NFATC1: variants seen among roughly 807,000 people sequenced by gnomAD.
NFATC1 encodes nuclear factor of activated T cells 1, also known as nuclear factor of activated T-cells, cytoplasmic 1.
NFATC1 carries 22 observed loss-of-function variants against 76.0 expected under a neutral mutation model. The ratio of observed to expected loss-of-function variants is 0.29; its 90% CI spans 0.21 to 0.41. The LOEUF is 0.41. Ranked by LOEUF, NFATC1 falls within the 10% of genes least tolerant of loss-of-function variation. The probability of loss-of-function intolerance (pLI) is 1.00; values close to 1 mark genes in which losing one functional copy is unlikely to be tolerated. For missense variants in NFATC1, 1,357 were observed against 1,337.7 expected (o/e 1.01, Z -0.23); for synonymous variants, 704 against 613.1 (o/e 1.15, Z -2.19).
intron 9 of NFATC1, among the ~76,000 whole-genome samples, chr18:79,526,872 C>T (rs780510220): frequency 6.6e-4 from 101 of 152,214 alleles, no homozygotes; most frequent in Non-Finnish European, 9.1e-4. Context: ...CGGGCAGTTC[C>T]GTGACGTCAG....
chr18:79,521,778 A>AGGGG (rs1569054706), intron 9 of NFATC1, among the ~76,000 whole-genome samples: 1 of 14,030 alleles, frequency 7.1e-5, no homozygotes, highest in Non-Finnish European at 1.2e-4. Context: ...GTGTGTGGGG[A>AGGGG]GCATCCACTG....
At chr18:79,489,203 G>T (rs1199304628) in intron 9 of NFATC1, among the ~76,000 whole-genome samples, 1 of 152,254 alleles carries the variant, frequency 6.6e-6, no homozygotes, top group East Asian at 1.9e-4. Context: ...GTCGCTGAGT[G>T]CACAGGCTAG....
chr18:79,400,279 CGG>C (rs1268690900), intron 1 of NFATC1: 2 of 953,094 alleles, frequency 2.1e-6, no homozygotes, highest in Non-Finnish European at 1.3e-6. Flanking sequence ...GGGGCGGGGA[CGG>C]GGGGAGGGGC....
Position 79,449,987 on chromosome 18 carries a change from T to G in NFATC1, c.1590-967T>G, listed in dbSNP as rs183568416. Among the ~76,000 whole-genome samples the G allele has an allele frequency of 3.2e-4, 48 of 152,356 alleles. No individual in the cohort carries two copies. The East Asian group carries it at 8.3e-3, about 26-fold the overall frequency. Reference sequence around the variant, plus strand: ...TGGGAATTCATTCCAAATCCCTGAGTTTGCCTCGAGAGCTGTAATCCAAGT... The same window carrying G: ...TGGGAATTCATTCCAAATCCCTGAGGTTGCCTCGAGAGCTGTAATCCAAGT... On this transcript the variant is annotated intron_variant, in intron 4 of 9. Coordinates refer to ENST00000427363, the MANE Select transcript of NFATC1 (RefSeq NM_001278669.2).
At chr18:79,448,138 G>A (rs2087293762) in intron 3 of NFATC1, 1 of 152,782 alleles carries the variant, frequency 6.5e-6, no homozygotes, top group African/African-American at 2.4e-5. Flanking sequence ...CTGCAGGGTG[G>A]TGCGGACTAT....
intron 1 of NFATC1, among the ~76,000 whole-genome samples, chr18:79,399,500 C>T (rs1568906146): frequency 6.6e-6 from 1 of 152,230 alleles, no homozygotes; most frequent in East Asian, 1.9e-4. Context: ...GCGGAGAGCC[C>T]GGGGGAAGTT....
At chr18:79,412,773 C>G (rs369126054) in intron 2 of NFATC1, among the ~76,000 whole-genome samples, 6 of 152,256 alleles carry the variant, frequency 3.9e-5, no homozygotes, top group African/African-American at 1.4e-4. Flanking sequence ...CTGATTCTGC[C>G]TTTCTACTGG....
chr18:79,406,872 C>T (rs542989965), intron 1 of NFATC1, among the ~76,000 whole-genome samples: 24 of 152,278 alleles, frequency 1.6e-4, no homozygotes, highest in Non-Finnish European at 2.6e-4. Flanking sequence ...GCGGGTCTTC[C>T]GCAGCGCTCC....
chr18:79,416,539 A>G (rs1272269330), intron 2 of NFATC1, among the ~76,000 whole-genome samples: 1 of 152,198 alleles, frequency 6.6e-6, no homozygotes, highest in Non-Finnish European at 1.5e-5. Flanking sequence ...CGTTGTACCG[A>G]ACCCCAGCAT....
chr18:79,473,569 TCGCGC>T (rs2088877994), intron 8 of NFATC1, among the ~76,000 whole-genome samples: 1 of 148,240 alleles, frequency 6.7e-6, no homozygotes. Flanking sequence ...AAGCGTGTTC[TCGCGC>T]TCACTGTCGA....
intron 1 of NFATC1, chr18:79,402,364 TG>T: frequency 3.0e-6 from 3 of 985,368 alleles, no homozygotes; most frequent in Non-Finnish European, 3.6e-6. Context: ...CAGAAGCAGG[TG>T]GCCGCCTTCC....
At chr18:79,431,700 T>C (rs1203133320) in intron 2 of NFATC1, among the ~76,000 whole-genome samples, 1 of 151,900 alleles carries the variant, frequency 6.6e-6, no homozygotes, top group African/African-American at 2.4e-5. Flanking sequence ...CTTGTTTTTG[T>C]TGTTGTTTGT....
chr18:79,418,756 G>T (rs911873034), intron 2 of NFATC1, among the ~76,000 whole-genome samples: 7 of 152,224 alleles, frequency 4.6e-5, no homozygotes, highest in Admixed American at 4.6e-4. Context: ...TTCTGCCTGC[G>T]TTGTTTAGTT....
intron 2 of NFATC1, among the ~76,000 whole-genome samples, chr18:79,415,431 C>T (rs2148211190): frequency 6.6e-6 from 1 of 152,080 alleles, no homozygotes; most frequent in Non-Finnish European, 1.5e-5. Context: ...TACAGGCGCC[C>T]ACCACCGCGC....
At chr18:79,400,495 A>G (rs2085165480) in intron 1 of NFATC1, 2 of 1,425,060 alleles carry the variant, frequency 1.4e-6, no homozygotes, top group Non-Finnish European at 1.8e-6. Flanking sequence ...TCAGTCCCGG[A>G]GGGCGCGGGG....
intron 6 of NFATC1, 43 bp downstream of exon 6, chr18:79,451,859 G>A (rs373595199): frequency 1.1e-5 from 18 of 1,571,366 alleles, no homozygotes; most frequent in African/African-American, 6.8e-5. Flanking sequence ...GGGCTTCGGC[G>A]CTGGTGGGAA....
chr18:79,400,236 T>G, intron 1 of NFATC1: 2 of 1,191,754 alleles, frequency 1.7e-6, no homozygotes, highest in East Asian at 3.8e-5. Context: ...CGGTTGTTTA[T>G]GTAAACCCGG....
intron 9 of NFATC1, among the ~76,000 whole-genome samples, chr18:79,516,305 G>C (rs2090381672): frequency 6.6e-6 from 1 of 152,160 alleles, no homozygotes; most frequent in Non-Finnish European, 1.5e-5. Flanking sequence ...TGTGGCGGTG[G>C]CTTATTGCGA....
Position 79,486,507 on chromosome 18 carries a change from C to T in NFATC1, c.2352C>T (p.Gly784=), listed in dbSNP as rs1345853437. 2 of 1,603,922 alleles carry T rather than the reference C, an allele frequency of 1.2e-6. No homozygotes were observed. Among genetic ancestry groups the T allele is most frequent in the Admixed American group, 1.7e-5 (1 of 59,902 alleles). The change falls in exon 9 of 10, where the codon GGC becomes GGT. Residue 784 remains glycine, a synonymous_variant. Coordinates refer to ENST00000427363, the MANE Select transcript of NFATC1 (RefSeq NM_001278669.2). ...AAYTKGVASP[G]HCHLGLPQPA... The stretch of plus-strand genomic sequence containing the variant: ...ACACCAAGGGCGTTGCCAGCCCGGG[C>T]CACTGTCACCTCGGACTCCCGCAGC...
Sources: gnomAD v4.1 joint callset for allele counts (sites outside exome capture counted in the v4.1 genomes callset) on GRCh38, gnomAD v4.1.1 for gene constraint, MANE v1.5 for transcripts, NCBI Gene and HGNC (gene_info 2026-07-23, HGNC 2026-07-21) for gene names.